GPHN: variants seen among roughly 807,000 people sequenced by gnomAD.
The protein encoded by GPHN is gephyrin.
In GPHN, 17 loss-of-function variants were observed where a neutral mutation model predicts 95.5. That is an observed-to-expected ratio of 0.18 (90% CI 0.12 to 0.27). GPHN has a LOEUF of 0.27. Ranked by LOEUF, GPHN falls within the 10% of genes least tolerant of loss-of-function variation. GPHN has a pLI of 1.00. For synonymous variants in GPHN, 320 were observed against 322.5 expected (o/e 0.99, Z 0.08); for missense variants, 660 against 978.1 (o/e 0.67, Z 4.34).
the GPHN span, among the ~76,000 whole-genome samples, chr14:67,331,325 G>A: frequency 3.3e-5 from 5 of 152,248 alleles, no homozygotes; most frequent in Admixed American, 2.0e-4. Context: ...GATTACAGGC[G>A]GGGGAGCCCC....
At chr14:66,678,654 C>G (rs955146939) in intron 1 of GPHN, among the ~76,000 whole-genome samples, 2 of 151,810 alleles carry the variant, frequency 1.3e-5, no homozygotes. Context: ...TTTCATGTGT[C>G]TTGCATCCCT....
chr14:66,645,262 G>C (rs2064670161), intron 1 of GPHN, among the ~76,000 whole-genome samples: 1 of 152,160 alleles, frequency 6.6e-6, no homozygotes, highest in African/African-American at 2.4e-5. Context: ...AAGAATGTTG[G>C]TATGAATTAT....
chr14:67,625,342 G>C, the GPHN span, among the ~76,000 whole-genome samples: 1 of 152,152 alleles, frequency 6.6e-6, no homozygotes, highest in East Asian at 1.9e-4. Flanking sequence ...AATTAAACTT[G>C]ACTTAGCTAA....
At chr14:67,323,142 ACATTT>A in the GPHN span, among the ~76,000 whole-genome samples, 1 of 152,022 alleles carries the variant, frequency 6.6e-6, no homozygotes, top group East Asian at 1.9e-4. Context: ...TCATTCACTT[ACATTT>A]CATTACATAA....
At chr14:67,733,364 G>C in the GPHN span, among the ~76,000 whole-genome samples, 1 of 152,214 alleles carries the variant, frequency 6.6e-6, no homozygotes, top group Admixed American at 6.5e-5. Context: ...CTTCAATTAC[G>C]AATGTAGGCA....
At chr14:67,177,525 G>A (rs1047956806) in intron 21 of GPHN, among the ~76,000 whole-genome samples, 7 of 152,188 alleles carry the variant, frequency 4.6e-5, no homozygotes, top group South Asian at 2.1e-4. Context: ...GAATCAGTGC[G>A]ATGTGTTGCT....
At chr14:67,713,281 A>AC in the GPHN span, among the ~76,000 whole-genome samples, 26 of 151,910 alleles carry the variant, frequency 1.7e-4, 1 homozygote, top group African/African-American at 5.8e-4. Context: ...ACAAAACAAA[A>AC]AAAAACCTCA....
chr14:67,156,323 A>C (rs1157465102), intron 18 of GPHN, among the ~76,000 whole-genome samples: 1 of 152,160 alleles, frequency 6.6e-6, no homozygotes, highest in South Asian at 2.1e-4. Context: ...AAACATATAC[A>C]TGCACATACG....
intron 1 of GPHN, among the ~76,000 whole-genome samples, chr14:66,599,437 T>C (rs2062132713): frequency 6.7e-6 from 1 of 148,868 alleles, no homozygotes; most frequent in Admixed American, 6.8e-5. Flanking sequence ...TATTTTATTT[T>C]ACTTTTCGTT....
chr14:67,643,786 C>T, the GPHN span, among the ~76,000 whole-genome samples: 2 of 137,364 alleles, frequency 1.5e-5, no homozygotes, highest in Non-Finnish European at 3.1e-5. Flanking sequence ...GAAAGCTTTT[C>T]AGATCACTGA....
chr14:67,520,262 A>G, the GPHN span, among the ~76,000 whole-genome samples: 1 of 152,318 alleles, frequency 6.6e-6, no homozygotes, highest in African/African-American at 2.4e-5. Context: ...ATGAATGTAT[A>G]TTGACATGTA....
the GPHN span, among the ~76,000 whole-genome samples, chr14:67,491,205 T>C: frequency 6.6e-6 from 1 of 152,154 alleles, no homozygotes; most frequent in Admixed American, 6.5e-5. Context: ...TCACAAAGGG[T>C]GCAGATGAGC....
chr14:66,694,515 T>C (rs974650445), intron 2 of GPHN, among the ~76,000 whole-genome samples: 2 of 152,210 alleles, frequency 1.3e-5, no homozygotes, highest in Non-Finnish European at 2.9e-5. Context: ...GACATCTGCA[T>C]GCTTTAAAAA....
At chr14:67,478,245 C>A in the GPHN span, among the ~76,000 whole-genome samples, 2 of 152,230 alleles carry the variant, frequency 1.3e-5, no homozygotes, top group Non-Finnish European at 2.9e-5. Context: ...CTGAGCAAGG[C>A]TAGCTGTACA....
At chr14:67,068,244 C>T (rs930069220) in intron 11 of GPHN, among the ~76,000 whole-genome samples, 14 of 152,184 alleles carry the variant, frequency 9.2e-5, no homozygotes, top group Admixed American at 6.5e-4. Context: ...AGTGCCTAGA[C>T]GTGTTTGCAT....
chr14:67,497,035 G>T, the GPHN span, among the ~76,000 whole-genome samples: 2 of 151,764 alleles, frequency 1.3e-5, no homozygotes, highest in South Asian at 4.2e-4. Context: ...CAGGTGATCG[G>T]CCCGCCTCAG....
intron 3 of GPHN, among the ~76,000 whole-genome samples, chr14:66,811,966 G>A (rs747708543): frequency 3.5e-4 from 54 of 152,324 alleles, no homozygotes; most frequent in Non-Finnish European, 5.1e-4. Flanking sequence ...TTGGAAGAAG[G>A]CACTGGTTGA....
intron 2 of GPHN, among the ~76,000 whole-genome samples, chr14:66,744,638 T>C (rs779472941): frequency 3.3e-5 from 5 of 152,210 alleles, no homozygotes; most frequent in African/African-American, 4.8e-5. Context: ...AATACTCAGT[T>C]TTATTGATTA....
At chr14:66,514,838 G>A (rs932805901) in intron 1 of GPHN, among the ~76,000 whole-genome samples, 12 of 151,906 alleles carry the variant, frequency 7.9e-5, no homozygotes, top group Non-Finnish European at 1.8e-4. Flanking sequence ...TCCTTACAAC[G>A]TTTATAAATG....
Sources: gnomAD v4.1 joint callset for allele counts (sites outside exome capture counted in the v4.1 genomes callset) on GRCh38, gnomAD v4.1.1 for gene constraint, MANE v1.5 for transcripts, NCBI Gene and HGNC (gene_info 2026-07-23, HGNC 2026-07-21) for gene names.